The following DAPK1 variants were observed in gnomAD, a reference collection of about 807,000 sequenced individuals.
The protein encoded by DAPK1 is death associated protein kinase 1.
DAPK1 carries 56 observed loss-of-function variants against 144.9 expected under a neutral mutation model. The ratio of observed to expected loss-of-function variants is 0.39; its 90% CI spans 0.31 to 0.48. The LOEUF (loss-of-function observed/expected upper bound fraction) is 0.48, where lower values mean the gene tolerates loss of function less well. Among genes scored for constraint, DAPK1 ranks in the 20% least tolerant of loss-of-function variants. The probability of loss-of-function intolerance (pLI) is 0.95; values close to 1 mark genes in which losing one functional copy is unlikely to be tolerated. For synonymous variants in DAPK1, 690 were observed against 749.0 expected, an observed-to-expected ratio of 0.92 and a Z score of 1.29; for missense variants, 1,454 against 1,875.4, an observed-to-expected ratio of 0.78 and a Z score of 4.15.
rs1381539491 is a variant in DAPK1 at position 87,697,150 on chromosome 9, G to C, written c.2557G>C (p.Val853Leu). 1.3e-6 allele frequency: 2 copies of C among 1,587,752 alleles called. No individual in the cohort carries two copies. Among genetic ancestry groups the C allele is most frequent in the South Asian group, 2.2e-5 (2 of 90,560 alleles). Residue 853 changes from valine to leucine, a missense_variant, in exon 22 of 26, where the codon GTG becomes CTG. This residue lies in a region of DAPK1 where 1,025 missense variants were observed against 1,237.9 expected (regional missense o/e 0.83). Coordinates refer to ENST00000408954, the MANE Select transcript of DAPK1 (RefSeq NM_004938.4). Reference protein sequence around the residue: ...EEPYEIQLNQVIFWLSFLKSL... With the variant: ...EEPYEIQLNQLIFWLSFLKSL... ...GCCCTATGAGATCCAGCTGAACCAAGTGATTTTCTGGCTCAGTTTCCTGAA... is the reference window on the plus strand; with the variant it reads ...GCCCTATGAGATCCAGCTGAACCAACTGATTTTCTGGCTCAGTTTCCTGAA...
chr9:87,613,119 T>G (rs1051619839), intron 3 of DAPK1, among the ~76,000 whole-genome samples: 1 of 152,192 alleles, frequency 6.6e-6, no homozygotes, highest in Non-Finnish European at 1.5e-5. Flanking sequence ...ATTTAATTAG[T>G]GCAGTCTGCT....
At position 87,707,284 on chromosome 9, in the gene DAPK1, G is replaced by A. The variant is rs1564082265; in HGVS notation, c.4213G>A (p.Gly1405Ser). The A allele has an allele frequency of 6.2e-7, 1 of 1,613,860 alleles. No homozygotes were observed. The highest frequency in any genetic ancestry group is 1.3e-5 in the African/African-American group (1 of 75,056). Residue 1405 changes from glycine (G) to serine (S), a missense_variant, in exon 26 of 26, where the codon GGC (glycine) becomes AGC (serine). Gly to Ser is a moderately conservative substitution (Grantham distance 56). Transcript: ENST00000408954. The surrounding 1 kb of genome is among the most constrained non-coding windows in gnomAD (Gnocchi z 4.0). ...ASSVFKINLD[G>S]NGQEAYASSC... ...CTCTGTGTTCAAAATCAACCTGGAT[G>A]GCAATGGCCAGGAGGCCTATGCCTC...
intron 17 of DAPK1, 29 bp downstream of exon 17, chr9:87,651,753 C>T: frequency 6.3e-7 from 1 of 1,596,568 alleles, no homozygotes; most frequent in East Asian, 2.2e-5. Context: ...ATCCCTACAG[C>T]TTCCAACTGT....
intron 2 of DAPK1, among the ~76,000 whole-genome samples, chr9:87,581,828 A>G (rs1027726099): frequency 6.6e-6 from 1 of 152,258 alleles, no homozygotes; most frequent in African/African-American, 2.4e-5. Flanking sequence ...CATGCCTTTC[A>G]TCTGGAGTAG....
chr9:87,601,163 A>G (rs916411187), intron 2 of DAPK1, among the ~76,000 whole-genome samples: 2 of 152,196 alleles, frequency 1.3e-5, no homozygotes, highest in African/African-American at 4.8e-5. Context: ...CCAACAGTCC[A>G]ATTCAAATTA....
chr9:87,703,139 C>A lies in DAPK1; in HGVS notation c.2982C>A (p.Asp994Glu). ...TGTCGCTGCAGCAGTTTGTGTACGA[C>A]GTGCAGGACCAGCTGAACCCCCTGG... Reference protein sequence around the residue: ...QLMSLQQFVYDVQDQLNPLAS... With the variant: ...QLMSLQQFVYEVQDQLNPLAS... The change falls in exon 25 of 26, where the codon GAC (aspartate) becomes GAA (glutamate). Residue 994 changes from aspartate (D) to glutamate (E), a missense_variant. By Grantham distance (45) the Asp-to-Glu change is conservative (BLOSUM62 2). Transcript: ENST00000408954. 6.2e-7 allele frequency: 1 copy of A among 1,609,454 alleles called. No individual in the cohort carries two copies. Among genetic ancestry groups the A allele is most frequent in the East Asian group, 2.2e-5 (1 of 44,838 alleles).
At chr9:87,588,220 A>G (rs1473540616) in intron 2 of DAPK1, among the ~76,000 whole-genome samples, 1 of 152,178 alleles carries the variant, frequency 6.6e-6, no homozygotes, top group Non-Finnish European at 1.5e-5. Context: ...GTTTTGGAAG[A>G]CTTGAATTGG....
intron 2 of DAPK1, among the ~76,000 whole-genome samples, chr9:87,518,493 A>G (rs1825168664): frequency 6.6e-6 from 1 of 151,352 alleles, no homozygotes; most frequent in Admixed American, 6.6e-5. Flanking sequence ...CGTCAATCTC[A>G]TTGATGTCGG....
chr9:87,635,585 T>C (rs745748125), intron 3 of DAPK1, among the ~76,000 whole-genome samples: 1 of 152,090 alleles, frequency 6.6e-6, no homozygotes, highest in Non-Finnish European at 1.5e-5. Flanking sequence ...TATTGGATCC[T>C]GTAGGAAGCA....
intron 2 of DAPK1, among the ~76,000 whole-genome samples, chr9:87,588,221 C>T (rs1828002976): frequency 6.6e-6 from 1 of 152,204 alleles, no homozygotes; most frequent in Non-Finnish European, 1.5e-5. Flanking sequence ...TTTTGGAAGA[C>T]TTGAATTGGT....
At chr9:87,506,071 A>G (rs1824579449) in intron 2 of DAPK1, among the ~76,000 whole-genome samples, 1 of 152,210 alleles carries the variant, frequency 6.6e-6, no homozygotes, top group Admixed American at 6.5e-5. Context: ...AGACAGGTCA[A>G]GTGGCTTTCT....
At chr9:87,650,992 A>T (rs900384002) in intron 16 of DAPK1, among the ~76,000 whole-genome samples, 2 of 152,202 alleles carry the variant, frequency 1.3e-5, no homozygotes, top group Non-Finnish European at 2.9e-5. Flanking sequence ...TCTATTCATT[A>T]GGGATTCTGT....
At chr9:87,629,289 T>C (rs4878113) in intron 3 of DAPK1, among the ~76,000 whole-genome samples, 75,421 of 151,944 alleles carry the variant, frequency 0.5, 19,886 homozygotes, top group East Asian at 0.78. Flanking sequence ...GGGATGGGAA[T>C]GCTCGTCTAC....
chr9:87,672,208 C>G (rs1824194998), intron 19 of DAPK1, among the ~76,000 whole-genome samples: 1 of 152,160 alleles, frequency 6.6e-6, no homozygotes, highest in Admixed American at 6.5e-5. Context: ...CAGCAGTGGC[C>G]CCTGTGGCTG....
intron 2 of DAPK1, among the ~76,000 whole-genome samples, chr9:87,552,123 C>T (rs1826514101): frequency 6.6e-6 from 1 of 152,024 alleles, no homozygotes; most frequent in Non-Finnish European, 1.5e-5. Context: ...TCAGCCCAGG[C>T]AGGGCCCTGC....
chr9:87,684,912 G>A (rs1423113550), intron 20 of DAPK1, among the ~76,000 whole-genome samples: 1 of 152,192 alleles, frequency 6.6e-6, no homozygotes, highest in Non-Finnish European at 1.5e-5. Flanking sequence ...CCGAGGAGCA[G>A]GAATGACTGC....
chr9:87,627,240 T>G (rs1829523707), intron 3 of DAPK1, among the ~76,000 whole-genome samples: 1 of 152,222 alleles, frequency 6.6e-6, no homozygotes, highest in Non-Finnish European at 1.5e-5. Flanking sequence ...TCATCACGTC[T>G]GTGATCTCCA....
At chr9:87,565,232 G>C (rs749360912) in intron 2 of DAPK1, among the ~76,000 whole-genome samples, 1 of 152,170 alleles carries the variant, frequency 6.6e-6, no homozygotes, top group East Asian at 1.9e-4. Flanking sequence ...CATGAAAAAC[G>C]AGTGTCGAGG....
intron 17 of DAPK1, among the ~76,000 whole-genome samples, chr9:87,654,025 G>C (rs1830548452): frequency 6.6e-6 from 1 of 152,154 alleles, no homozygotes; most frequent in African/African-American, 2.4e-5. Context: ...TCCGCATTGA[G>C]AGTTTTATGG....
Sources: gnomAD v4.1 joint callset for allele counts (sites outside exome capture counted in the v4.1 genomes callset) on GRCh38, gnomAD v4.1.1 for gene constraint, gnomAD v4.1.1 regional missense constraint, Gnocchi (gnomAD v3.1) non-coding constraint, MANE v1.5 for transcripts, NCBI Gene and HGNC (gene_info 2026-07-23, HGNC 2026-07-21) for gene names.